Variants in ATP9B observed in about 807,000 individuals in gnomAD.
The protein encoded by ATP9B is probable phospholipid-transporting ATPase IIB.
Under a neutral mutation model 146.1 loss-of-function variants are expected in ATP9B, and 110 were observed. That is an observed-to-expected ratio of 0.75 (90% CI 0.65 to 0.88). The LOEUF (loss-of-function observed/expected upper bound fraction) is 0.88, where lower values mean the gene tolerates loss of function less well. Among genes scored for constraint, ATP9B ranks in the 40% least tolerant of loss-of-function variants. The pLI is 0.00. For missense variants in ATP9B, 1,499 were observed against 1,496.4 expected (o/e 1.00, Z -0.03); for synonymous variants, 604 against 569.7 (o/e 1.06, Z -0.86).
intron 11 of ATP9B, among the ~76,000 whole-genome samples, chr18:79,234,847 A>T (rs2095826554): frequency 6.6e-6 from 1 of 152,178 alleles, no homozygotes; most frequent in Non-Finnish European, 1.5e-5. Context: ...TTTTATAAAA[A>T]TGTTTGTATT....
At chr18:79,109,181 T>G (rs554370101) in intron 2 of ATP9B, among the ~76,000 whole-genome samples, 24 of 152,338 alleles carry the variant, frequency 1.6e-4, no homozygotes, top group Admixed American at 9.8e-4. Context: ...AATTAGAAGG[T>G]GAGATTTAAC....
At chr18:79,322,458 G>C (rs1391720341) in intron 15 of ATP9B, among the ~76,000 whole-genome samples, 7 of 152,218 alleles carry the variant, frequency 4.6e-5, no homozygotes, top group Admixed American at 3.9e-4. Context: ...CGGTCAGGCA[G>C]CTTCCATCAG....
intron 11 of ATP9B, among the ~76,000 whole-genome samples, chr18:79,228,848 A>T (rs2095761334): frequency 6.6e-6 from 1 of 152,090 alleles, no homozygotes; most frequent in African/African-American, 2.4e-5. Flanking sequence ...AACATGGCGA[A>T]ACCCTGTCTC....
intron 11 of ATP9B, among the ~76,000 whole-genome samples, chr18:79,248,482 C>T (rs1054641757): frequency 1.3e-5 from 2 of 152,166 alleles, no homozygotes; most frequent in African/African-American, 2.4e-5. Context: ...TAGGTTAATG[C>T]ATAGCCCTAT....
intron 7 of ATP9B, among the ~76,000 whole-genome samples, chr18:79,161,637 A>C (rs2094882316): frequency 6.6e-6 from 1 of 152,210 alleles, no homozygotes; most frequent in Non-Finnish European, 1.5e-5. Context: ...TCACGAGGTC[A>C]GGAGATCGAG....
chr18:79,268,183 T>C (rs1238259771), intron 12 of ATP9B, among the ~76,000 whole-genome samples: 11 of 152,156 alleles, frequency 7.2e-5, no homozygotes, highest in Admixed American at 7.2e-4. Context: ...TTAATTTCTT[T>C]GGCATATCTT....
intron 15 of ATP9B, among the ~76,000 whole-genome samples, chr18:79,324,841 A>G (rs1359145112): frequency 1.3e-5 from 2 of 152,226 alleles, no homozygotes; most frequent in African/African-American, 4.8e-5. Context: ...ATAGTTAACT[A>G]TATGGTCTTA....
intron 5 of ATP9B, among the ~76,000 whole-genome samples, chr18:79,141,762 G>T (rs2094516959): frequency 6.6e-6 from 1 of 152,170 alleles, no homozygotes; most frequent in African/African-American, 2.4e-5. Context: ...TCTGATATTA[G>T]TATATTACTA....
At chr18:79,376,448 G>A (rs2097103966) in intron 29 of ATP9B, 1 of 968,484 alleles carries the variant, frequency 1.0e-6, no homozygotes, top group African/African-American at 1.8e-5. Flanking sequence ...GAAGTGCAGT[G>A]GCACAATCTT....
intron 1 of ATP9B, among the ~76,000 whole-genome samples, chr18:79,094,339 C>A (rs1178670037): frequency 1.3e-5 from 2 of 152,196 alleles, no homozygotes; most frequent in African/African-American, 4.8e-5. Context: ...TGGTTTATCC[C>A]ATGTCTCCAA....
chr18:79,305,599 T>TAA lies in ATP9B; in HGVS notation c.1525-1376_1525-1375dup, dbSNP rs898110756. Among the ~76,000 whole-genome samples, 283 of 149,772 alleles carry TAA rather than the reference T, an allele frequency of 1.9e-3. 1 individual carries two copies. The highest frequency in any genetic ancestry group is 6.3e-3 in the African/African-American group (258 of 40,916). ...ATAGTACCAGATGAGCTCTGCTTTT[T>TAA]AAAAAAAAAAAATTATCTATGAATG... On this transcript the variant is annotated intron_variant, in intron 14 of 29. Coordinates refer to ENST00000426216, the MANE Select transcript of ATP9B (RefSeq NM_198531.5).
At chr18:79,076,486 T>C (rs758689575) in intron 1 of ATP9B, among the ~76,000 whole-genome samples, 16 of 152,166 alleles carry the variant, frequency 1.1e-4, no homozygotes, top group Non-Finnish European at 2.4e-4. Flanking sequence ...CACTTCTTTC[T>C]GGTCTCCGTG....
chr18:79,265,630 C>G (rs997310448), intron 12 of ATP9B, among the ~76,000 whole-genome samples: 2 of 151,946 alleles, frequency 1.3e-5, no homozygotes, highest in Non-Finnish European at 2.9e-5. Context: ...AAATTTTCTC[C>G]CACTCTGTAG....
intron 3 of ATP9B, among the ~76,000 whole-genome samples, chr18:79,112,780 A>T (rs2093996761): frequency 6.6e-6 from 1 of 151,598 alleles, no homozygotes; most frequent in Non-Finnish European, 1.5e-5. Context: ...GTTTTTTACC[A>T]TTTCATAAAT....
intron 2 of ATP9B, among the ~76,000 whole-genome samples, chr18:79,096,927 C>T (rs1431962769): frequency 1.3e-5 from 2 of 151,988 alleles, no homozygotes; most frequent in African/African-American, 4.8e-5. Flanking sequence ...GAGGCTAAGG[C>T]GGGCAGATCA....
chr18:79,340,499 A>AG (rs1404799633), intron 19 of ATP9B: 1 of 152,238 alleles, frequency 6.6e-6, no homozygotes, highest in East Asian at 1.9e-4. Flanking sequence ...TTAGACACTG[A>AG]GAAGAGCCAC....
At chr18:79,208,177 G>A (rs1162928876) in intron 10 of ATP9B, among the ~76,000 whole-genome samples, 5 of 152,158 alleles carry the variant, frequency 3.3e-5, no homozygotes, top group South Asian at 4.2e-4. Context: ...CCCGGGAGCC[G>A]GAGCTTGCAG....
chr18:79,102,479 G>C (rs2075352156), intron 2 of ATP9B, among the ~76,000 whole-genome samples: 1 of 152,136 alleles, frequency 6.6e-6, no homozygotes, highest in Admixed American at 6.5e-5. Flanking sequence ...CCTTGGTTCT[G>C]TTCTCTTCTC....
Position 79,307,228 on chromosome 18 carries a change from G to A in ATP9B, c.1767G>A (p.Pro589=), listed in dbSNP as rs150481617. Residue 589 remains proline, a synonymous_variant, in exon 15 of 30, where the codon CCG becomes CCA. Transcript: ENST00000426216. ...ATCGCACCTACCAGGCTTCCAGCCC[G>A]GATGAGGTCAGTCAAAGCACAAAAC... ...DENRTYQASS[P]DEVALVQWTE... 81 of 1,614,148 alleles carry A rather than the reference G, an allele frequency of 5.0e-5. No individual in the cohort carries two copies. Among genetic ancestry groups the A allele is most frequent in the African/African-American group, 4.0e-4 (30 of 75,064 alleles).
Sources: gnomAD v4.1 joint callset for allele counts (sites outside exome capture counted in the v4.1 genomes callset) on GRCh38, gnomAD v4.1.1 for gene constraint, MANE v1.5 for transcripts, NCBI Gene and HGNC (gene_info 2026-07-23, HGNC 2026-07-21) for gene names.